The following OPCML variants were observed in gnomAD, a reference collection of about 807,000 sequenced individuals.
OPCML encodes the protein opioid binding protein/cell adhesion molecule like.
A neutral mutation model predicts 37.8 loss-of-function variants in OPCML; 13 were observed. The observed-to-expected ratio is 0.34, with a 90% CI of 0.22 to 0.55. OPCML has a LOEUF of 0.55. Among genes scored for constraint, OPCML ranks in the 20% least tolerant of loss-of-function variants. The pLI is 0.91. For synonymous variants in OPCML, 176 were observed against 168.8 expected, an observed-to-expected ratio of 1.04 and a Z score of -0.33; for missense variants, 341 against 435.6, an observed-to-expected ratio of 0.78 and a Z score of 1.93.
intron 1 of OPCML, among the ~76,000 whole-genome samples, chr11:133,069,291 T>C (rs761849424): frequency 1.2e-4 from 18 of 152,230 alleles, no homozygotes; most frequent in Non-Finnish European, 2.6e-4. Context: ...TTATGCCTGA[T>C]ACATGGTAGG....
Position 133,532,467 on chromosome 11 carries a change from C to T in OPCML, c.-143G>A. The T allele has an allele frequency of 1.1e-6, 1 of 942,246 alleles. No individual in the cohort carries two copies. Among genetic ancestry groups the T allele is most frequent in the South Asian group, 1.5e-5 (1 of 68,148 alleles). The allele number at this position is 942,246 out of a possible 1,614,324, so 58.4% of individuals were successfully genotyped here. On this transcript the variant is annotated 5_prime_UTR_variant, in exon 1 of 8. Coordinates refer to ENST00000524381, the MANE Select transcript of OPCML (RefSeq NM_001012393.5). ...GGGAGAGAGCAGAAGAGAGAGAGAG[C>T]GCGCGAGAGATGGGAGCAGGCAGGC... is the stretch of plus-strand genomic sequence containing the variant.
intron 1 of OPCML, among the ~76,000 whole-genome samples, chr11:132,999,247 C>A (rs1050542854): frequency 6.6e-6 from 1 of 152,150 alleles, no homozygotes; most frequent in African/African-American, 2.4e-5. Flanking sequence ...TCTTTCAGAT[C>A]TCACCCTCCC....
At chr11:132,868,208 A>G (rs1255367304) in intron 2 of OPCML, among the ~76,000 whole-genome samples, 1 of 152,086 alleles carries the variant, frequency 6.6e-6, no homozygotes, top group Non-Finnish European at 1.5e-5. Context: ...ACTGGGCAAC[A>G]AGGTCAAAAA....
At chr11:132,823,944 G>T (rs1940143907) in intron 2 of OPCML, among the ~76,000 whole-genome samples, 2 of 152,102 alleles carry the variant, frequency 1.3e-5, no homozygotes, top group Non-Finnish European at 2.9e-5. Context: ...CTCACCGGTG[G>T]CTCCTGCTCT....
intron 1 of OPCML, among the ~76,000 whole-genome samples, chr11:133,462,906 C>T (rs1362497772): frequency 2.6e-5 from 4 of 151,960 alleles, no homozygotes; most frequent in Admixed American, 1.3e-4. Context: ...GCCTTCATTA[C>T]AATAGCCAAA....
chr11:132,681,395 G>C (rs903661220), intron 2 of OPCML, among the ~76,000 whole-genome samples: 1 of 152,172 alleles, frequency 6.6e-6, no homozygotes, highest in African/African-American at 2.4e-5. Context: ...CTGGATGTCG[G>C]AGACTGCAGT....
chr11:132,542,589 G>T (rs1231648818), intron 3 of OPCML, among the ~76,000 whole-genome samples: 4 of 152,140 alleles, frequency 2.6e-5, no homozygotes, highest in Non-Finnish European at 2.9e-5. Flanking sequence ...CGACTTGGGA[G>T]TATTGACAGA....
chr11:133,463,918 A>G (rs1264714345), intron 1 of OPCML, among the ~76,000 whole-genome samples: 2 of 152,216 alleles, frequency 1.3e-5, no homozygotes, highest in Non-Finnish European at 2.9e-5. Flanking sequence ...GACCCGGGCC[A>G]CATCTTCATC....
At chr11:133,012,439 G>A (rs1005183036) in intron 1 of OPCML, among the ~76,000 whole-genome samples, 3 of 152,144 alleles carry the variant, frequency 2.0e-5, no homozygotes, top group Admixed American at 6.5e-5. Flanking sequence ...CTCTTAATTC[G>A]AATCAACTGT....
intron 1 of OPCML, among the ~76,000 whole-genome samples, chr11:133,061,869 A>C (rs982962052): frequency 8.6e-5 from 13 of 151,154 alleles, no homozygotes; most frequent in African/African-American, 3.2e-4. Context: ...ACTTAAGTGC[A>C]TGCATAAATG....
At chr11:133,041,252 A>G (rs932899190) in intron 1 of OPCML, among the ~76,000 whole-genome samples, 6 of 152,220 alleles carry the variant, frequency 3.9e-5, no homozygotes, top group Admixed American at 3.9e-4. Flanking sequence ...AAAATTAGAT[A>G]ACGCTTGTAA....
At chr11:132,901,773 A>T (rs1944071738) in intron 2 of OPCML, among the ~76,000 whole-genome samples, 3 of 152,254 alleles carry the variant, frequency 2.0e-5, no homozygotes, top group Admixed American at 1.3e-4. Flanking sequence ...AAAGAGGCAT[A>T]AAGGAAAAAG....
intron 1 of OPCML, among the ~76,000 whole-genome samples, chr11:133,150,992 C>T (rs1018975857): frequency 1.6e-4 from 25 of 151,908 alleles, no homozygotes; most frequent in Admixed American, 5.9e-4. Flanking sequence ...AATAATTCGT[C>T]GGCCAGGTGC....
chr11:133,495,925 A>C (rs903419691), intron 1 of OPCML, among the ~76,000 whole-genome samples: 1 of 151,962 alleles, frequency 6.6e-6, no homozygotes, highest in African/African-American at 2.4e-5. Flanking sequence ...GCTATTTATC[A>C]TTGTTTTTAT....
At chr11:133,127,026 C>G (rs1949527928) in intron 1 of OPCML, among the ~76,000 whole-genome samples, 1 of 152,132 alleles carries the variant, frequency 6.6e-6, no homozygotes, top group Non-Finnish European at 1.5e-5. Context: ...TTGACACTAC[C>G]TCCTTTTTCC....
rs1173155086 is a variant in OPCML, at chr11:132,943,674, C to CGCGCAGCCG, written c.62-673_62-665dup. On this transcript the variant is annotated intron_variant, in intron 1 of 7. Transcript: ENST00000524381. This position sits in a 1 kb window ranked among gnomAD's most constrained non-coding sequence, Gnocchi z 4.3. ...GCGGCAAAAAGTTCCAAGGCGGGGA[C>CGCGCAGCCG]GCGCAGCCGGCGCAGCCAGGGTCGT... The CGCGCAGCCG allele has an allele frequency of 6.5e-6, 1 of 152,776 alleles. No individual in the cohort carries two copies. Among genetic ancestry groups the CGCGCAGCCG allele is most frequent in the Admixed American group, 6.5e-5 (1 of 15,312 alleles). 9.5% of individuals were successfully genotyped at this position (152,776 alleles called of 1,614,324 possible).
chr11:133,118,505 A>T, intron 1 of OPCML: 8 of 750,934 alleles, frequency 1.1e-5, no homozygotes, highest in Non-Finnish European at 1.1e-5. Flanking sequence ...GACAGGATGG[A>T]GAGAATTGCT....
intron 1 of OPCML, among the ~76,000 whole-genome samples, chr11:133,116,628 ATCT>A (rs1949337612): frequency 6.6e-6 from 1 of 152,112 alleles, no homozygotes; most frequent in Non-Finnish European, 1.5e-5. Context: ...TGATCCTGTA[ATCT>A]TCTCAGAGTA....
At chr11:133,373,462 C>CAA (rs1419580848) in intron 1 of OPCML, among the ~76,000 whole-genome samples, 1 of 122,092 alleles carries the variant, frequency 8.2e-6, no homozygotes, top group African/African-American at 3.2e-5. Context: ...CACACACACA[C>CAA]AAAAATACAA....
Sources: allele counts gnomAD v4.1 joint callset (sites outside exome capture counted in the v4.1 genomes callset), GRCh38; gene constraint gnomAD v4.1.1; non-coding constraint Gnocchi (gnomAD v3.1); transcripts MANE v1.5; gene names NCBI Gene and HGNC (gene_info 2026-07-23, HGNC 2026-07-21).